Variants in SLC35F5 observed in about 807,000 individuals in gnomAD.
SLC35F5 encodes the protein HCV NS5A-transactivated protein 3.
A neutral mutation model predicts 68.6 loss-of-function variants in SLC35F5; 54 were observed. The observed-to-expected ratio is 0.79, with a 90% CI of 0.63 to 0.99. The LOEUF is 0.99. SLC35F5 is among the 50% of genes least tolerant of loss of function. The pLI is 0.00. For missense variants in SLC35F5, 567 were observed against 626.9 expected, an observed-to-expected ratio of 0.90 and a Z score of 1.02; for synonymous variants, 211 against 205.2, an observed-to-expected ratio of 1.03 and a Z score of -0.24.
In SLC35F5 at chr2:113,756,638, G is replaced by T; in HGVS notation, c.-229C>A. 11 of 1,211,584 alleles carry T rather than the reference G, an allele frequency of 9.1e-6. No individual in the cohort carries two copies. The highest frequency in any genetic ancestry group is 1.2e-5 in the Non-Finnish European group (11 of 913,000). The allele number at this position is 1,211,584 out of a possible 1,614,324, so 75.1% of individuals were successfully genotyped here. A position where few individuals can be genotyped will look rare whatever the true frequency, so the allele number is the denominator to read the frequency against. Reference sequence around the variant, plus strand: ...TCAGCTATGGCCGCGGAGGCCCGGAGATCTGCTCTGGCCCCGGCCCCGCCC... The same window carrying T: ...TCAGCTATGGCCGCGGAGGCCCGGATATCTGCTCTGGCCCCGGCCCCGCCC... On this transcript the variant is annotated 5_prime_UTR_variant, in exon 1 of 16. Coordinates refer to ENST00000245680, the MANE Select transcript of SLC35F5 (RefSeq NM_025181.5).
downstream of SLC35F5, chr2:113,705,634 T>C (rs1006995654): frequency 2.0e-5 from 3 of 152,166 alleles, no homozygotes; most frequent in Non-Finnish European, 4.4e-5. Flanking sequence ...CTAAGTGACT[T>C]TTCAAAATAA....
At chr2:113,748,392 C>T (rs1409158311) in intron 4 of SLC35F5, among the ~76,000 whole-genome samples, 3 of 152,106 alleles carry the variant, frequency 2.0e-5, no homozygotes, top group Non-Finnish European at 2.9e-5. Flanking sequence ...GTCTCAAACT[C>T]CTGGCCTCAA....
intron 4 of SLC35F5, 107 bp downstream of exon 4, chr2:113,750,318 G>T: frequency 8.9e-7 from 1 of 1,123,324 alleles, no homozygotes; most frequent in Non-Finnish European, 1.2e-6. Context: ...TCACTTAACT[G>T]AACAACTTAA....
intron 7 of SLC35F5, among the ~76,000 whole-genome samples, chr2:113,736,091 T>G (rs541324298): frequency 1.3e-5 from 2 of 150,582 alleles, no homozygotes; most frequent in Non-Finnish European, 3.0e-5. Flanking sequence ...TGGTTAACAA[T>G]TAGCATTCAG....
chr2:113,703,156 A>C (rs905324189), downstream of SLC35F5, among the ~76,000 whole-genome samples: 3 of 150,438 alleles, frequency 2.0e-5, no homozygotes, highest in African/African-American at 7.4e-5. Context: ...AGTTTAATGA[A>C]TCTCTTTCTC....
intron 3 of SLC35F5, among the ~76,000 whole-genome samples, chr2:113,751,302 C>T (rs538962097): frequency 3.9e-5 from 6 of 152,284 alleles, no homozygotes; most frequent in Admixed American, 3.3e-4. Context: ...AGGAGACTGA[C>T]AAATTTCAAG....
At chr2:113,756,017 G>A (rs1242883061) in intron 1 of SLC35F5, 1 of 1,502,554 alleles carries the variant, frequency 6.7e-7, no homozygotes, top group African/African-American at 1.4e-5. Context: ...AGTGGTAAAA[G>A]AAAAGGATTC....
intron 12 of SLC35F5, among the ~76,000 whole-genome samples, chr2:113,724,706 T>C (rs1687590002): frequency 6.6e-6 from 1 of 152,134 alleles, no homozygotes; most frequent in Admixed American, 6.5e-5. Context: ...ATTCATTCTA[T>C]TCATTTCAAG....
At chr2:113,725,570 T>C in intron 11 of SLC35F5, 33 bp from the exon 12 acceptor site, 5 of 1,523,664 alleles carry the variant, frequency 3.3e-6, no homozygotes, top group Non-Finnish European at 4.4e-6. Context: ...AGAGTTAAAA[T>C]TGATTTATTT....
In SLC35F5 at chr2:113,730,166, C is replaced by T. The variant is rs538594523; in HGVS notation, c.986-661G>A. Among the ~76,000 whole-genome samples the T allele has an allele frequency of 5.4e-4, 82 of 152,138 alleles. 2 individuals carry two copies. The highest frequency in any genetic ancestry group is 5.1e-4 in the Non-Finnish European group (35 of 68,030). ...AAGAACTCCTTGAAAACTGCAAACA[C>T]ATAATTTATACTTTTTAATGTTCCA... On this transcript the variant is annotated intron_variant, in intron 10 of 15. Transcript: ENST00000245680.
chr2:113,718,911 AAGAAAGAAAGAAAG>A (rs1687300896), intron 14 of SLC35F5, among the ~76,000 whole-genome samples: 1 of 82,066 alleles, frequency 1.2e-5, no homozygotes, highest in Non-Finnish European at 3.2e-5. Context: ...GAAAGAAAGA[AAGAAAGAAAGAAAG>A]AAAAAGAAAG....
At chr2:113,753,168 CTTT>C (rs1173478465) in intron 3 of SLC35F5, among the ~76,000 whole-genome samples, 12 of 49,074 alleles carry the variant, frequency 2.4e-4, no homozygotes, top group African/African-American at 1.0e-3. Context: ...GTTTGTTTTT[CTTT>C]TTTTTTTTTT....
chr2:113,738,953 T>C (rs1688190074), intron 7 of SLC35F5, among the ~76,000 whole-genome samples: 1 of 152,230 alleles, frequency 6.6e-6, no homozygotes, highest in African/African-American at 2.4e-5. Context: ...ACAAATATAA[T>C]ATTGAAATTG....
At chr2:113,745,735 T>G (rs931773134) in intron 5 of SLC35F5, among the ~76,000 whole-genome samples, 2 of 152,066 alleles carry the variant, frequency 1.3e-5, no homozygotes, top group African/African-American at 4.8e-5. Flanking sequence ...AAAAAAAGAT[T>G]TTTATATACT....
rs1226559284 is a variant in SLC35F5, at chr2:113,755,495, G to A, written c.90C>T (p.Ser30=). ...TTCTGAGATCCTCAAGAGCAATGCC[G>A]GAAAACTTGGCAGATCTCAGTCTAA... is the stretch of plus-strand genomic sequence containing the variant. The part of the protein sequence containing the change: ...PPFRLRSAKF[S]GIALEDLRRA... The change falls in exon 2 of 16, where the codon TCC becomes TCT. Residue 30 remains serine (S), a synonymous_variant. Coordinates refer to ENST00000245680, the MANE Select transcript of SLC35F5 (RefSeq NM_025181.5). 2.5e-6 allele frequency: 4 copies of A among 1,613,846 alleles called. No individual in the cohort carries two copies. The highest frequency in any genetic ancestry group is 2.2e-5 in the East Asian group (1 of 44,892).
chr2:113,728,045 G>A lies in SLC35F5; in HGVS notation c.1090+1356C>T, dbSNP rs1216119183. Reference sequence around the variant, plus strand: ...CTTACTCTGTTACCCAGGCTAGAGTGCAGAGACACAATCATAGCTCACTGC... The same window carrying A: ...CTTACTCTGTTACCCAGGCTAGAGTACAGAGACACAATCATAGCTCACTGC... On this transcript the variant is annotated intron_variant, in intron 11 of 15. Coordinates refer to ENST00000245680, the MANE Select transcript of SLC35F5 (RefSeq NM_025181.5). Among the ~76,000 whole-genome samples the A allele has an allele frequency of 2.0e-5, 3 of 152,090 alleles. No individual in the cohort carries two copies. In the East Asian group the frequency reaches 5.8e-4, roughly 29 times the overall value.
At chr2:113,753,162 GTTTTTCT>G (rs1292151091) in intron 3 of SLC35F5, among the ~76,000 whole-genome samples, 1,215 of 50,492 alleles carry the variant, frequency 0.024, 90 homozygotes, top group African/African-American at 0.076. Context: ...TCCAAAGTTT[GTTTTTCT>G]TTTTTTTTTT....
In SLC35F5 at chr2:113,717,856, GA is replaced by G. The variant is rs763892077; in HGVS notation, c.1497-7del. The G allele has an allele frequency of 8.3e-4, 1,177 of 1,424,426 alleles. No homozygotes were observed. Among genetic ancestry groups the G allele is most frequent in the Admixed American group, 2.1e-3 (96 of 45,858 alleles). 88.2% of individuals were successfully genotyped at this position (1,424,426 alleles called of 1,614,324 possible). A position where few individuals can be genotyped will look rare whatever the true frequency, so the allele number is the denominator to read the frequency against. ...GTTCGCTGTCTTCTGGAACTCTTAA[GA>G]AAAAAAAAAGCAGTAATTAAGGAAA... On this transcript the variant is annotated splice_polypyrimidine_tract_variant and splice_region_variant and intron_variant, in intron 14 of 15. Coordinates refer to ENST00000245680, the MANE Select transcript of SLC35F5 (RefSeq NM_025181.5).
At chr2:113,745,894 T>A (rs184270229) in intron 5 of SLC35F5, among the ~76,000 whole-genome samples, 3 of 152,314 alleles carry the variant, frequency 2.0e-5, no homozygotes, top group Non-Finnish European at 4.4e-5. Context: ...TAACACAGAT[T>A]TGTCACTGTA....
Sources: gnomAD v4.1 joint callset for allele counts (sites outside exome capture counted in the v4.1 genomes callset) on GRCh38, gnomAD v4.1.1 for gene constraint, MANE v1.5 for transcripts, NCBI Gene and HGNC (gene_info 2026-07-23, HGNC 2026-07-21) for gene names.